NOL4: variants seen among roughly 807,000 people sequenced by gnomAD.
The protein encoded by NOL4 is cancer/testis antigen 125.
Under a neutral mutation model 75.9 loss-of-function variants are expected in NOL4, and 17 were observed. The observed-to-expected ratio is 0.22, with a 90% confidence interval of 0.15 to 0.34. NOL4 has a LOEUF of 0.34. Ranked by LOEUF, NOL4 falls within the 10% of genes least tolerant of loss-of-function variation. The pLI is 1.00. For missense variants in NOL4, 614 were observed against 793.5 expected, an observed-to-expected ratio of 0.77 and a Z score of 2.72; for synonymous variants, 292 against 289.9, an observed-to-expected ratio of 1.01 and a Z score of -0.07.
intron 5 of NOL4, among the ~76,000 whole-genome samples, chr18:34,072,055 A>C (rs1047767079): frequency 7.2e-5 from 11 of 152,094 alleles, no homozygotes; most frequent in African/African-American, 2.7e-4. Context: ...AGATGGTGAA[A>C]CCACATCTCT....
At chr18:33,961,702 G>A (rs1407003156) in intron 6 of NOL4, among the ~76,000 whole-genome samples, 1 of 152,080 alleles carries the variant, frequency 6.6e-6, no homozygotes, top group Non-Finnish European at 1.5e-5. Context: ...CTCCGACACT[G>A]AGAAGAGTGG....
At chr18:34,064,153 T>A (rs989632910) in intron 5 of NOL4, among the ~76,000 whole-genome samples, 2 of 152,080 alleles carry the variant, frequency 1.3e-5, no homozygotes, top group Non-Finnish European at 2.9e-5. Context: ...GACTCGTTTA[T>A]TGGTGCAAGG....
At chr18:34,002,959 A>G (rs1287745188) in intron 6 of NOL4, among the ~76,000 whole-genome samples, 1 of 152,106 alleles carries the variant, frequency 6.6e-6, no homozygotes, top group Admixed American at 6.6e-5. Flanking sequence ...TTAATTCTTT[A>G]TATGAAACTT....
intron 1 of NOL4, among the ~76,000 whole-genome samples, chr18:34,215,628 C>T (rs1417908369): frequency 2.0e-5 from 3 of 151,928 alleles, no homozygotes; most frequent in South Asian, 2.1e-4. Context: ...GCTCGGAGGA[C>T]CTCGGATGGG....
At chr18:33,917,145 G>A (rs1599859965) in intron 9 of NOL4, among the ~76,000 whole-genome samples, 3 of 152,140 alleles carry the variant, frequency 2.0e-5, no homozygotes, top group Admixed American at 2.0e-4. Context: ...TTATGCAAAT[G>A]AACTATAACT....
chr18:34,194,076 G>A (rs1178374310), intron 1 of NOL4, among the ~76,000 whole-genome samples: 1 of 152,080 alleles, frequency 6.6e-6, no homozygotes, highest in Non-Finnish European at 1.5e-5. Context: ...CTAGGGTGGG[G>A]GATAGGGGTT....
intron 1 of NOL4, among the ~76,000 whole-genome samples, chr18:34,170,174 A>G (rs1314329612): frequency 6.8e-6 from 1 of 146,930 alleles, no homozygotes; most frequent in Non-Finnish European, 1.5e-5. Context: ...GCTGTTTAAG[A>G]ACTATTTTTT....
At chr18:34,195,486 G>T (rs1364113429) in intron 1 of NOL4, among the ~76,000 whole-genome samples, 1 of 152,098 alleles carries the variant, frequency 6.6e-6, no homozygotes, top group African/African-American at 2.4e-5. Context: ...CAAATTTGAT[G>T]ATTTTATTAG....
Position 34,019,539 on chromosome 18 carries a change from C to G in NOL4, c.835G>C (p.Gly279Arg), listed in dbSNP as rs1337675344. Residue 279 changes from glycine to arginine, a missense_variant, in exon 6 of 11, where the codon GGG becomes CGG. Gly to Arg is a moderately radical substitution (Grantham distance 125). Around this residue, in one of 9 missense-constraint regions of NOL4, gnomAD observed 196 missense variants for 167.9 expected, o/e 1.17. Transcript: ENST00000261592. ...CCCATCTCCCTGCTGTGTGTTCCCC[C>G]TGAAGCAATTGAACTGTGCCCCAGA... ...ETLGHSSIAS[G>R]GTHSREMGDS... The G allele has an allele frequency of 1.2e-6, 2 of 1,614,042 alleles. No individual in the cohort carries two copies. Among genetic ancestry groups the G allele is most frequent in the Non-Finnish European group, 1.7e-6 (2 of 1,179,976 alleles).
intron 1 of NOL4, 111 bp from the exon 2 acceptor site, chr18:34,130,131 A>G: frequency 9.6e-7 from 1 of 1,036,802 alleles, no homozygotes; most frequent in Non-Finnish European, 1.3e-6. Context: ...AAAATCATCT[A>G]TATAGGAAAC....
chr18:34,217,848 A>C (rs2037020330), intron 1 of NOL4, among the ~76,000 whole-genome samples: 1 of 152,086 alleles, frequency 6.6e-6, no homozygotes, highest in African/African-American at 2.4e-5. Context: ...AAAACTAGTA[A>C]GACTAGTATT....
intron 1 of NOL4, among the ~76,000 whole-genome samples, chr18:34,161,041 A>G (rs1410560352): frequency 6.6e-6 from 1 of 152,042 alleles, no homozygotes; most frequent in Admixed American, 6.6e-5. Flanking sequence ...CAACTTTCTT[A>G]GCTTCCACAT....
intron 6 of NOL4, among the ~76,000 whole-genome samples, chr18:33,959,272 A>G (rs1568129096): frequency 1.3e-5 from 2 of 152,174 alleles, no homozygotes; most frequent in African/African-American, 4.8e-5. Flanking sequence ...GTCAGAATAC[A>G]ATGCATAAGT....
intron 9 of NOL4, among the ~76,000 whole-genome samples, chr18:33,899,282 C>T (rs957342190): frequency 2.0e-5 from 3 of 152,148 alleles, no homozygotes; most frequent in African/African-American, 7.2e-5. Context: ...CCTTTCTTTT[C>T]ACCCTGATCT....
chr18:34,188,411 G>A (rs1438063622), intron 1 of NOL4, among the ~76,000 whole-genome samples: 1 of 151,990 alleles, frequency 6.6e-6, no homozygotes, highest in Non-Finnish European at 1.5e-5. Context: ...ACATATAGTG[G>A]GGCTATGTCC....
At chr18:33,900,322 G>A (rs1482947426) in intron 9 of NOL4, among the ~76,000 whole-genome samples, 2 of 152,098 alleles carry the variant, frequency 1.3e-5, no homozygotes. Context: ...AATTCATGAG[G>A]GGTCCGCCCC....
At chr18:34,068,456 G>C (rs1291209838) in intron 5 of NOL4, among the ~76,000 whole-genome samples, 1 of 151,996 alleles carries the variant, frequency 6.6e-6, no homozygotes, top group Non-Finnish European at 1.5e-5. Flanking sequence ...CTGGAGTGCA[G>C]TGGCGCGAGC....
chr18:33,860,829 A>C (rs1233873201), intron 10 of NOL4, among the ~76,000 whole-genome samples: 13 of 152,140 alleles, frequency 8.5e-5, no homozygotes, highest in African/African-American at 2.9e-4. Flanking sequence ...ATTTATTGAG[A>C]GTTTTTAGCA....
intron 1 of NOL4, among the ~76,000 whole-genome samples, chr18:34,199,897 A>G (rs2035609082): frequency 6.6e-6 from 1 of 151,902 alleles, no homozygotes; most frequent in South Asian, 2.1e-4. Flanking sequence ...TTGCTGAATA[A>G]GCACACGGTA....
Sources: allele counts gnomAD v4.1 joint callset (sites outside exome capture counted in the v4.1 genomes callset), GRCh38; gene constraint gnomAD v4.1.1; regional missense constraint gnomAD v4.1.1; transcripts MANE v1.5; gene names NCBI Gene and HGNC (gene_info 2026-07-23, HGNC 2026-07-21).